Variants in RAP1GDS1 observed in about 807,000 individuals in gnomAD.
RAP1GDS1 encodes Rap1 GTPase-GDP dissociation stimulator 1.
In RAP1GDS1, 35 loss-of-function variants were observed where a neutral mutation model predicts 71.1. The ratio of observed to expected loss-of-function variants is 0.49; its 90% confidence interval spans 0.38 to 0.65. The LOEUF (loss-of-function observed/expected upper bound fraction) is 0.65. Among genes scored for constraint, RAP1GDS1 ranks in the 30% least tolerant of loss-of-function variants. The pLI, the probability that RAP1GDS1 is intolerant of heterozygous loss-of-function variation, is 0.00. For missense variants in RAP1GDS1, 663 were observed against 706.1 expected, an observed-to-expected ratio of 0.94 and a Z score of 0.69; for synonymous variants, 229 against 243.1, an observed-to-expected ratio of 0.94 and a Z score of 0.54.
intron 6 of RAP1GDS1, among the ~76,000 whole-genome samples, chr4:98,394,437 C>CT (rs999345319): frequency 1.1e-4 from 17 of 151,232 alleles, no homozygotes; most frequent in South Asian, 2.1e-4. Context: ...TTACAGGAGT[C>CT]TTTTTTTTTA....
At chr4:98,367,376 G>C (rs563876020) in intron 4 of RAP1GDS1, among the ~76,000 whole-genome samples, 1 of 152,202 alleles carries the variant, frequency 6.6e-6, no homozygotes, top group Non-Finnish European at 1.5e-5. Flanking sequence ...TCAGGGGTGG[G>C]ACCCTCATGG....
At chr4:98,329,436 G>A (rs959268123) in intron 2 of RAP1GDS1, among the ~76,000 whole-genome samples, 1 of 151,776 alleles carries the variant, frequency 6.6e-6, no homozygotes, top group African/African-American at 2.4e-5. Context: ...GTTTATTAGT[G>A]TTCTAGAAAA....
chr4:98,406,132 C>T (rs188704566), intron 7 of RAP1GDS1, among the ~76,000 whole-genome samples: 172 of 151,228 alleles, frequency 1.1e-3, no homozygotes, highest in Middle Eastern at 3.4e-3. Context: ...TAATGCAAAA[C>T]AAGAAAAAAG....
chr4:98,319,544 G>A (rs1731461053), intron 2 of RAP1GDS1, among the ~76,000 whole-genome samples: 1 of 152,020 alleles, frequency 6.6e-6, no homozygotes, highest in African/African-American at 2.4e-5. Context: ...ACTTTGGGAG[G>A]CCGGGGTGAG....
chr4:98,307,637 G>A (rs75161410), intron 2 of RAP1GDS1, among the ~76,000 whole-genome samples: 2,800 of 152,078 alleles, frequency 0.018, 91 homozygotes, highest in African/African-American at 0.061. Flanking sequence ...TTGTTGTTGC[G>A]TATGGATTTT....
At chr4:98,275,950 G>A (rs10470895) in intron 1 of RAP1GDS1, among the ~76,000 whole-genome samples, 5 of 151,936 alleles carry the variant, frequency 3.3e-5, no homozygotes, top group African/African-American at 1.2e-4. Context: ...CCCTCTTCTT[G>A]ACCAGTTTTT....
At chr4:98,261,720 C>T (rs1017655256) in intron 1 of RAP1GDS1, 151 bp downstream of exon 1, 13 of 1,070,856 alleles carry the variant, frequency 1.2e-5, no homozygotes, top group African/African-American at 1.2e-4. Flanking sequence ...AGTCGGCGCA[C>T]GCGGAACGCA....
intron 2 of RAP1GDS1, among the ~76,000 whole-genome samples, chr4:98,314,241 G>GA (rs1008201414): frequency 6.6e-6 from 1 of 152,126 alleles, no homozygotes; most frequent in African/African-American, 2.4e-5. Flanking sequence ...ATTTGCTTAT[G>GA]AAAAAACTAT....
rs552195880 is a variant in RAP1GDS1, at chr4:98,334,196, G to T, written c.113-8943G>T. Among the ~76,000 whole-genome samples the T allele has an allele frequency of 2.6e-5, 4 of 152,086 alleles. No individual in the cohort carries two copies. In the South Asian group the frequency reaches 8.3e-4, roughly 32 times the overall value. On this transcript the variant is annotated intron_variant, in intron 2 of 14. Transcript: ENST00000408927. ...GGCCAAGTACATCAGATTTTACTAT[G>T]TAGACATAACATACAACATAAAATA... is the stretch of plus-strand genomic sequence containing the variant.
chr4:98,383,448 G>A (rs948071692), intron 5 of RAP1GDS1, among the ~76,000 whole-genome samples: 14 of 151,242 alleles, frequency 9.3e-5, no homozygotes, highest in African/African-American at 2.7e-4. Context: ...AAATACAGCC[G>A]ATTTTTCTAA....
chr4:98,286,886 TAAAAAAAAAAAAA>T (rs778410316), intron 1 of RAP1GDS1, among the ~76,000 whole-genome samples: 1 of 90,150 alleles, frequency 1.1e-5, no homozygotes, highest in Non-Finnish European at 2.3e-5. Context: ...AACTCCGTCT[TAAAAAAAAAAAAA>T]AAAAAAAAAA....
chr4:98,290,915 G>A (rs564800091), intron 1 of RAP1GDS1, among the ~76,000 whole-genome samples: 24 of 152,202 alleles, frequency 1.6e-4, no homozygotes, highest in African/African-American at 4.6e-4. Flanking sequence ...AAGAGAAGAG[G>A]CTCTGTGCAC....
At chr4:98,439,037 G>A (rs749953454) in intron 14 of RAP1GDS1, among the ~76,000 whole-genome samples, 4 of 152,088 alleles carry the variant, frequency 2.6e-5, no homozygotes, top group East Asian at 1.9e-4. Context: ...TCGTATTTAC[G>A]CACATTTTTA....
chr4:98,329,929 T>A (rs187291204), intron 2 of RAP1GDS1, among the ~76,000 whole-genome samples: 122 of 152,286 alleles, frequency 8.0e-4, no homozygotes, highest in South Asian at 2.5e-3. Context: ...CTCTTTTTTT[T>A]AAATTTTTTT....
chr4:98,301,670 G>T (rs188033625), intron 2 of RAP1GDS1, among the ~76,000 whole-genome samples: 30 of 152,202 alleles, frequency 2.0e-4, no homozygotes, highest in African/African-American at 7.2e-4. Context: ...AAGGGTAATA[G>T]CACACAATGA....
intron 9 of RAP1GDS1, 125 bp from the exon 10 acceptor site, chr4:98,418,532 A>T: frequency 1.1e-6 from 1 of 900,272 alleles, no homozygotes; most frequent in African/African-American, 1.7e-5. Context: ...TGGGAGAAAG[A>T]TTTGGAATTC....
intron 6 of RAP1GDS1, among the ~76,000 whole-genome samples, chr4:98,398,670 T>C (rs1388150841): frequency 6.6e-6 from 1 of 152,126 alleles, no homozygotes; most frequent in Non-Finnish European, 1.5e-5. Flanking sequence ...CATGATCTTA[T>C]ATCAAGAAAA....
intron 6 of RAP1GDS1, among the ~76,000 whole-genome samples, chr4:98,395,310 TAA>T (rs1368806007): frequency 2.0e-5 from 3 of 152,178 alleles, no homozygotes; most frequent in African/African-American, 7.2e-5. Flanking sequence ...ATTAGGCAAT[TAA>T]AAATTTTAAT....
intron 2 of RAP1GDS1, among the ~76,000 whole-genome samples, chr4:98,341,768 CT>C (rs1162468772): frequency 2.6e-5 from 4 of 151,934 alleles, no homozygotes; most frequent in South Asian, 4.2e-4. Flanking sequence ...TAAAAACTTA[CT>C]TTTTAGTCCA....
Sources: allele counts gnomAD v4.1 joint callset (sites outside exome capture counted in the v4.1 genomes callset), GRCh38; gene constraint gnomAD v4.1.1; transcripts MANE v1.5; gene names NCBI Gene and HGNC (gene_info 2026-07-23, HGNC 2026-07-21).